The following LPO variants were observed in gnomAD, a reference collection of about 807,000 sequenced individuals.
LPO encodes the protein lactoperoxidase, also known as salivary peroxidase.
In LPO, 70 loss-of-function variants were observed where a neutral mutation model predicts 68.4. The ratio of observed to expected loss-of-function variants is 1.02; its 90% confidence interval spans 0.84 to 1.25. The LOEUF is 1.25. Ranked by LOEUF, LPO falls within the 50% of genes most tolerant of loss-of-function variation. The probability of loss-of-function intolerance (pLI) is 0.00; values close to 1 mark genes in which losing one functional copy is unlikely to be tolerated. For missense variants in LPO, 873 were observed against 908.4 expected, an observed-to-expected ratio of 0.96 and a Z score of 0.50; for synonymous variants, 360 against 357.6, an observed-to-expected ratio of 1.01 and a Z score of -0.08.
chr17:58,249,332 C>A, intron 5 of LPO, 155 bp downstream of exon 5: 1 of 868,664 alleles, frequency 1.2e-6, no homozygotes, highest in Non-Finnish European at 1.7e-6. Flanking sequence ...GATCGCGCGT[C>A]TCCAGCCCTC....
chr17:58,243,870 T>A (rs1191797606), intron 2 of LPO, 124 bp from the exon 3 acceptor site: 1 of 670,838 alleles, frequency 1.5e-6, no homozygotes, highest in African/African-American at 1.8e-5. Flanking sequence ...CTAATCTTGA[T>A]CTCCTGCCTA....
intron 1 of LPO, among the ~76,000 whole-genome samples, chr17:58,239,595 A>G (rs1394762525): frequency 6.6e-6 from 1 of 152,014 alleles, no homozygotes; most frequent in African/African-American, 2.4e-5. Context: ...CACCCTCCAC[A>G]GGGCTCTTTA....
intron 4 of LPO, among the ~76,000 whole-genome samples, 171 bp from the exon 5 acceptor site, chr17:58,248,889 A>G (rs1253418397): frequency 6.6e-6 from 1 of 152,174 alleles, no homozygotes; most frequent in East Asian, 1.9e-4. Flanking sequence ...AATAAAATGT[A>G]TTACCTTAAT....
rs575033030 is a variant in LPO, at chr17:58,250,256, C to A, written c.574-159C>A. 5.4e-4 allele frequency among the ~76,000 whole-genome samples: 82 copies of A among 152,252 alleles called. 1 individual carries two copies. The South Asian group carries it at 0.011, about 20-fold the overall frequency. On this transcript the variant is annotated intron_variant, in intron 6 of 12. Coordinates refer to ENST00000262290, the MANE Select transcript of LPO (RefSeq NM_006151.3). ...CTTCACCTGTCCAGGATTCAATCTC[C>A]CCCTCTACAGAATAGGCTAATGCCA...
chr17:58,249,800 G>C (rs985216807), intron 6 of LPO, 105 bp downstream of exon 6: 2 of 1,406,202 alleles, frequency 1.4e-6, no homozygotes, highest in African/African-American at 1.5e-5. Flanking sequence ...GGGGCAGCAG[G>C]GGTGCGCGAT....
In LPO at chr17:58,243,038, C is replaced by A. The variant is rs1364306829; in HGVS notation, c.59C>A (p.Ala20Glu). 5 of 1,614,008 alleles carry A rather than the reference C, an allele frequency of 3.1e-6. No homozygotes were observed. The highest frequency in any genetic ancestry group is 4.2e-6 in the Non-Finnish European group (5 of 1,180,004). The change falls in exon 2 of 13, where the codon GCA becomes GAA. Residue 20 changes from alanine (A) to glutamate (E), a missense_variant. Ala to Glu is a moderately radical substitution (Grantham distance 107, BLOSUM62 -1). Transcript: ENST00000262290. ...GCTTCCCTCATCTTGCTTCAGGCTG[C>A]AGCATCTACCACAAGAGGTGAGTGT... is the stretch of plus-strand genomic sequence containing the variant. ...LLASLILLQA[A>E]ASTTRAQTTR...
chr17:58,248,759 G>C (rs746796781), intron 4 of LPO, among the ~76,000 whole-genome samples: 1 of 152,162 alleles, frequency 6.6e-6, no homozygotes, highest in Non-Finnish European at 1.5e-5. Flanking sequence ...CAATTCAAAT[G>C]AATCTGGACC....
In LPO at chr17:58,252,382, G is replaced by A; in HGVS notation, c.981G>A (p.Leu327=). ...GCCTCCGCAACCTCAGCAGCCCCCT[G>A]GGCCTCATGGCTGTCAACCAGGAGG... is the stretch of plus-strand genomic sequence containing the variant. The part of the protein sequence containing the change: ...ASRLRNLSSP[L]GLMAVNQEVS... The change falls in exon 8 of 13, where the codon CTG becomes CTA. Residue 327 remains leucine, a synonymous_variant. Transcript: ENST00000262290. The A allele has an allele frequency of 6.2e-7, 1 of 1,614,118 alleles. No homozygotes were observed. The highest frequency in any genetic ancestry group is 8.5e-7 in the Non-Finnish European group (1 of 1,180,036).
At chr17:58,266,453 T>A (rs1970268897) in intron 11 of LPO, 127 bp downstream of exon 11, 2 of 1,088,088 alleles carry the variant, frequency 1.8e-6, no homozygotes, top group Middle Eastern at 3.2e-4. Flanking sequence ...GTCAGGCCAG[T>A]TTTTTTTGTT....
In LPO at chr17:58,267,783, G is replaced by T. The variant is rs756565138; in HGVS notation, c.1932-4G>T. 1.2e-6 allele frequency: 2 copies of T among 1,613,576 alleles called. No homozygotes were observed. The highest frequency in any genetic ancestry group is 1.1e-5 in the South Asian group (1 of 91,060). ...GTGGAGTGACTCTACTTCTGTCTCT[G>T]CAGGTTCTGGTGGGAAAACCCTGGG... On this transcript the variant is annotated splice_polypyrimidine_tract_variant and splice_region_variant and intron_variant, in intron 12 of 12. Coordinates refer to ENST00000262290, the MANE Select transcript of LPO (RefSeq NM_006151.3).
chr17:58,249,131 G>C lies in LPO; in HGVS notation c.397G>C (p.Asp133His). The C allele has an allele frequency of 6.2e-7, 1 of 1,614,172 alleles. No individual in the cohort carries two copies. The highest frequency in any genetic ancestry group is 8.5e-7 in the Non-Finnish European group (1 of 1,180,032). ...TGCTCCTGCTCCCGTGGTGAGATGC[G>C]ACCCGTGCAGCCCTTACCGCACCAT... ...CGAPAPVVRC[D>H]PCSPYRTITG... The change falls in exon 5 of 13, where the codon GAC becomes CAC. Residue 133 changes from aspartate (D) to histidine (H), a missense_variant. Asp to His is a moderately conservative substitution (Grantham distance 81). Coordinates refer to ENST00000262290, the MANE Select transcript of LPO (RefSeq NM_006151.3).
intron 1 of LPO, among the ~76,000 whole-genome samples, chr17:58,242,320 G>A (rs754415706): frequency 1.1e-4 from 17 of 152,208 alleles, no homozygotes; most frequent in Non-Finnish European, 2.4e-4. Context: ...CACAGCTGTG[G>A]GCTCAGGGGA....
At chr17:58,242,919 C>A in intron 1 of LPO, 59 bp from the exon 2 acceptor site, 1 of 1,480,212 alleles carries the variant, frequency 6.8e-7, no homozygotes, top group Non-Finnish European at 9.4e-7. Context: ...TTCTGTGGTT[C>A]AAACCCTCCC....
chr17:58,264,640 G>A (rs1567823459), intron 9 of LPO, 82 bp from the exon 10 acceptor site: 1 of 1,473,434 alleles, frequency 6.8e-7, no homozygotes, highest in South Asian at 1.2e-5. Context: ...CATCACTCTT[G>A]GCTGCAGCTC....
chr17:58,241,218 C>T (rs1969753505), intron 1 of LPO, among the ~76,000 whole-genome samples: 1 of 136,580 alleles, frequency 7.3e-6, no homozygotes, highest in African/African-American at 2.8e-5. Flanking sequence ...TCAAGGGATT[C>T]TCCTGCCTCA....
intron 3 of LPO, 41 bp from the exon 4 acceptor site, chr17:58,247,437 T>C: frequency 8.4e-7 from 1 of 1,185,932 alleles, no homozygotes. Flanking sequence ...GCCCCCTTCC[T>C]ACAGGGTCCA....
chr17:58,250,481 T>C lies in LPO; in HGVS notation c.640T>C (p.Ser214Pro), dbSNP rs1969937764. ...GGAGGGTGTTCTGGACCAAAACAGG[T>C]CCCTGCTCTTCATGCAGTGGGGTCA... ...NEEGVLDQNR[S>P]LLFMQWGQIV... The change falls in exon 7 of 13, where the codon TCC (serine) becomes CCC (proline). Residue 214 changes from serine (S) to proline (P), a missense_variant. Transcript: ENST00000262290. 2 of 1,614,140 alleles carry C rather than the reference T, an allele frequency of 1.2e-6. No individual in the cohort carries two copies. The highest frequency in any genetic ancestry group is 2.2e-5 in the East Asian group (1 of 44,872).
At chr17:58,243,850 T>G in intron 2 of LPO, 144 bp from the exon 3 acceptor site, 1 of 635,112 alleles carries the variant, frequency 1.6e-6, no homozygotes, top group South Asian at 1.8e-5. Context: ...AGGACTCTTA[T>G]GAAACTTTCC....
intron 10 of LPO, 31 bp downstream of exon 10, chr17:58,265,005 G>A (rs774253939): frequency 5.0e-6 from 8 of 1,610,176 alleles, no homozygotes; most frequent in Admixed American, 1.7e-5. Context: ...GCTGTCACCT[G>A]GGTCTCCCAC....
Sources: gnomAD v4.1 joint callset for allele counts (sites outside exome capture counted in the v4.1 genomes callset) on GRCh38, gnomAD v4.1.1 for gene constraint, MANE v1.5 for transcripts, NCBI Gene and HGNC (gene_info 2026-07-23, HGNC 2026-07-21) for gene names.